Variants in ZFAT observed in about 807,000 individuals in gnomAD.
ZFAT encodes zinc finger protein ZFAT.
In ZFAT, 64 loss-of-function variants were observed where a neutral mutation model predicts 117.7. That is an observed-to-expected ratio of 0.54 (90% CI 0.44 to 0.67). ZFAT has a LOEUF of 0.67. Among genes scored for constraint, ZFAT ranks in the 30% least tolerant of loss-of-function variants. The pLI is 0.00. For synonymous variants in ZFAT, 679 were observed against 615.0 expected, an observed-to-expected ratio of 1.10 and a Z score of -1.54; for missense variants, 1,433 against 1,584.5, an observed-to-expected ratio of 0.90 and a Z score of 1.62.
chr8:134,600,167 G>A (rs935932124), intron 7 of ZFAT: 9 of 504,260 alleles, frequency 1.8e-5, no homozygotes, highest in Non-Finnish European at 2.8e-5. Context: ...CTACTCTATA[G>A]ATATCTCTTC....
the ZFAT span, among the ~76,000 whole-genome samples, chr8:134,801,449 C>A: frequency 6.6e-6 from 1 of 152,126 alleles, no homozygotes; most frequent in Non-Finnish European, 1.5e-5. Flanking sequence ...CCACTGCCAG[C>A]AAACTTTAAA....
At position 134,588,394 on chromosome 8, in the gene ZFAT, C is replaced by T. The variant is rs770812525; in HGVS notation, c.2565G>A (p.Glu855=). 3 of 1,575,090 alleles carry T rather than the reference C, an allele frequency of 1.9e-6. No individual in the cohort carries two copies. The highest frequency in any genetic ancestry group is 2.7e-5 in the African/African-American group (2 of 73,154). The change falls in exon 9 of 16, where the codon GAG becomes GAA. Residue 855 remains glutamate (E), a splice_region_variant and synonymous_variant. Coordinates refer to ENST00000377838, the MANE Select transcript of ZFAT (RefSeq NM_020863.4). ...IKSHIKTNHP[E]VSMSTISEVL... ...CCTCAGAAATGGTGCTCATGGAGAC[C>T]TCTAGAAGAAAAGCAGGATGTCAAA...
intron 1 of ZFAT, among the ~76,000 whole-genome samples, chr8:134,704,509 C>T (rs1398436421): frequency 2.0e-5 from 3 of 152,198 alleles, no homozygotes; most frequent in Non-Finnish European, 2.9e-5. Context: ...CTTCTCATCC[C>T]TACAGCCTGG....
At chr8:134,560,965 G>C (rs1824005645) in intron 11 of ZFAT, among the ~76,000 whole-genome samples, 1 of 152,236 alleles carries the variant, frequency 6.6e-6, no homozygotes, top group Admixed American at 6.5e-5. Flanking sequence ...GAAAATATCA[G>C]TTCCATCCTA....
rs372124252 is a variant in ZFAT at position 134,602,699 on chromosome 8, G to A, written c.1020C>T (p.His340=). 9.3e-6 allele frequency: 15 copies of A among 1,613,922 alleles called. No individual in the cohort carries two copies. The African/African-American group carries it at 1.2e-4, about 13-fold the overall frequency. ...YCSFTCLSKG[H]LKVHIERVHK... ...GCACTCGCTCGATGTGCACCTTGAGGTGGCCCTTGCTCAGGCAGGTGAACG... is the reference window on the plus strand; with the variant it reads ...GCACTCGCTCGATGTGCACCTTGAGATGGCCCTTGCTCAGGCAGGTGAACG... Residue 340 remains histidine (H), a synonymous_variant, in exon 6 of 16, where the codon CAC becomes CAT. Coordinates refer to ENST00000377838, the MANE Select transcript of ZFAT (RefSeq NM_020863.4).
chr8:134,638,731 TAA>T (rs71913883), intron 2 of ZFAT, among the ~76,000 whole-genome samples: 4 of 130,128 alleles, frequency 3.1e-5, no homozygotes, highest in Non-Finnish European at 1.7e-5. Flanking sequence ...CCATCTCAAA[TAA>T]AAAAAAAAAA....
intron 10 of ZFAT, among the ~76,000 whole-genome samples, chr8:134,569,754 T>A (rs1206203608): frequency 6.6e-6 from 1 of 152,176 alleles, no homozygotes. Flanking sequence ...ACCTTTCAGC[T>A]GAGTGCAGTG....
At chr8:134,521,119 T>A in intron 12 of ZFAT, 118 bp from the exon 13 acceptor site, 1 of 688,808 alleles carries the variant, frequency 1.5e-6, no homozygotes, top group Admixed American at 2.7e-5. Flanking sequence ...CTCCAGCACT[T>A]GTATTCAATT....
At chr8:134,489,749 C>T (rs539293196) in intron 15 of ZFAT, among the ~76,000 whole-genome samples, 25 of 152,304 alleles carry the variant, frequency 1.6e-4, no homozygotes, top group Middle Eastern at 6.8e-3. Context: ...TAGACCAAAC[C>T]CTTCCCCTGA....
chr8:134,545,621 A>G (rs906085707), intron 11 of ZFAT, among the ~76,000 whole-genome samples: 2 of 152,242 alleles, frequency 1.3e-5, no homozygotes, highest in African/African-American at 4.8e-5. Context: ...AAGTAAGGCC[A>G]CCCATGTATG....
At chr8:134,719,704 G>T in the ZFAT span, among the ~76,000 whole-genome samples, 4 of 152,302 alleles carry the variant, frequency 2.6e-5, no homozygotes, top group African/African-American at 9.6e-5. Flanking sequence ...AGCCCCCAAG[G>T]GAGTTTGCAG....
chr8:134,639,563 G>GA (rs1554611416), intron 2 of ZFAT, among the ~76,000 whole-genome samples: 1 of 152,190 alleles, frequency 6.6e-6, no homozygotes, highest in Non-Finnish European at 1.5e-5. Flanking sequence ...TAAACAAGGA[G>GA]AAAAAAGCCT....
chr8:134,699,465 G>A (rs930110435), intron 1 of ZFAT, among the ~76,000 whole-genome samples: 1 of 152,104 alleles, frequency 6.6e-6, no homozygotes, highest in African/African-American at 2.4e-5. Context: ...TGCTGAGCCC[G>A]TTTCCTAATC....
chr8:134,831,479 CA>C, the ZFAT span, among the ~76,000 whole-genome samples: 1 of 152,214 alleles, frequency 6.6e-6, no homozygotes, highest in African/African-American at 2.4e-5. Flanking sequence ...CTCTGGTCCC[CA>C]TCCAGACGGG....
At chr8:134,525,736 C>T (rs1171540088) in intron 12 of ZFAT, among the ~76,000 whole-genome samples, 2 of 152,218 alleles carry the variant, frequency 1.3e-5, no homozygotes, top group African/African-American at 4.8e-5. Flanking sequence ...CTGGCCCCAA[C>T]CCTGGTGGAG....
At chr8:134,755,459 T>C in the ZFAT span, among the ~76,000 whole-genome samples, 1 of 148,458 alleles carries the variant, frequency 6.7e-6, no homozygotes, top group South Asian at 2.1e-4. Flanking sequence ...TTTGGTTACA[T>C]GGATGAATTA....
chr8:134,766,152 C>G, the ZFAT span: 7 of 152,166 alleles, frequency 4.6e-5, no homozygotes, highest in Non-Finnish European at 8.8e-5. Flanking sequence ...CATCAATAAA[C>G]ATTGAAAATG....
chr8:134,727,072 A>C, the ZFAT span, among the ~76,000 whole-genome samples: 2 of 151,844 alleles, frequency 1.3e-5, no homozygotes, highest in African/African-American at 4.8e-5. Context: ...ACCCACTCTA[A>C]CTGGATGACT....
intron 15 of ZFAT, among the ~76,000 whole-genome samples, chr8:134,484,634 A>G (rs568902908): frequency 6.6e-6 from 1 of 152,212 alleles, no homozygotes; most frequent in Non-Finnish European, 1.5e-5. Flanking sequence ...TTTGACTTCT[A>G]GTCTGCAAAA....
Sources: allele counts gnomAD v4.1 joint callset (sites outside exome capture counted in the v4.1 genomes callset), GRCh38; gene constraint gnomAD v4.1.1; transcripts MANE v1.5; gene names NCBI Gene and HGNC (gene_info 2026-07-23, HGNC 2026-07-21).